Variants in NFASC observed in about 807,000 individuals in gnomAD.
NFASC encodes neurofascin.
NFASC carries 43 observed loss-of-function variants against 147.5 expected under a neutral mutation model. The ratio of observed to expected loss-of-function variants is 0.29; its 90% CI spans 0.23 to 0.38. The LOEUF is 0.38. Ranked by LOEUF, NFASC falls within the 10% of genes least tolerant of loss-of-function variation. NFASC has a pLI of 1.00. For missense variants in NFASC, 1,320 were observed against 1,689.0 expected (o/e 0.78, Z 3.83); for synonymous variants, 622 against 665.5 (o/e 0.93, Z 1.01).
chr1:204,970,944 A>G (rs928324956), intron 11 of NFASC, among the ~76,000 whole-genome samples, 197 bp downstream of exon 11: 3 of 152,212 alleles, frequency 2.0e-5, no homozygotes, highest in African/African-American at 7.2e-5. Context: ...GTGAGAGAAC[A>G]GGAGGCCTGG....
At chr1:204,881,099 C>T (rs1350313129) in intron 1 of NFASC, among the ~76,000 whole-genome samples, 2 of 152,214 alleles carry the variant, frequency 1.3e-5, no homozygotes, top group African/African-American at 2.4e-5. Flanking sequence ...GAGGTGGAGG[C>T]TGTTTGTGGC....
intron 13 of NFASC, 32 bp downstream of exon 13, chr1:204,974,322 A>G (rs754956676): frequency 6.6e-7 from 1 of 1,521,290 alleles, no homozygotes; most frequent in South Asian, 1.1e-5. Context: ...CTTCCACAGC[A>G]GGGGTCACCT....
intron 1 of NFASC, among the ~76,000 whole-genome samples, chr1:204,917,543 C>A (rs900222614): frequency 1.3e-5 from 2 of 152,134 alleles, no homozygotes; most frequent in African/African-American, 4.8e-5. Flanking sequence ...TGACATCCTT[C>A]AGATGTGACT....
chr1:204,997,222 T>C lies in NFASC; in HGVS notation c.2835T>C (p.Ser945=). ...TTVGATGAVS[S]TDATAIAATT... is the part of the protein sequence containing the mutation. ...TGGGTGCGACGGGCGCTGTGAGCAG[T>C]ACCGATGCTACTGCCATTGCTGCCA... The change falls in exon 25 of 30, where the codon AGT becomes AGC. Residue 945 remains serine, a synonymous_variant. Transcript: ENST00000339876. 6.2e-7 allele frequency: 1 copy of C among 1,613,736 alleles called. No individual in the cohort carries two copies. The highest frequency in any genetic ancestry group is 8.5e-7 in the Non-Finnish European group (1 of 1,179,832).
At position 204,987,684 on chromosome 1, in the gene NFASC, A is replaced by G. The variant is rs2095644111; in HGVS notation, c.2593+144A>G. 2.2e-6 allele frequency: 2 copies of G among 909,106 alleles called. No homozygotes were observed. Among genetic ancestry groups the G allele is most frequent in the East Asian group, 2.4e-5 (1 of 41,366 alleles). The allele number at this position is 909,106 out of a possible 1,614,324, so 56.3% of individuals were successfully genotyped here. A position where few individuals can be genotyped will look rare whatever the true frequency, so the allele number is the denominator to read the frequency against. On this transcript the variant is annotated intron_variant, in intron 22 of 29. Transcript: ENST00000339876. This position sits in a 1 kb window ranked among gnomAD's most constrained non-coding sequence, Gnocchi z 4.4. ...TGGAGGGGCCAACGAAACAGTTCCC[A>G]ATAGGATTAGGGGAGGCAGATGGGA...
rs995662384 is a variant in NFASC, at chr1:204,922,166, G to A, written c.-91+1426G>A. ...AGAATCGGGTAGTTAATGCAGCTCT[G>A]TGTCACCAAGTCCCCGCTCTTGGCA... is the stretch of plus-strand genomic sequence containing the variant. On this transcript the variant is annotated intron_variant, in intron 2 of 29. Transcript: ENST00000339876. Among the ~76,000 whole-genome samples the A allele has an allele frequency of 2.0e-5, 3 of 152,278 alleles. No individual in the cohort carries two copies. In the South Asian group the frequency reaches 6.2e-4, roughly 32 times the overall value.
intron 27 of NFASC, 109 bp from the exon 28 acceptor site, chr1:205,009,448 T>C: frequency 8.2e-7 from 1 of 1,219,130 alleles, no homozygotes; most frequent in Admixed American, 1.7e-5. Context: ...AGTGTTAGGC[T>C]CCAGGAGAAA....
intron 27 of NFASC, among the ~76,000 whole-genome samples, chr1:205,006,362 A>T (rs956742869): frequency 6.6e-6 from 1 of 152,256 alleles, no homozygotes; most frequent in Admixed American, 6.5e-5. Context: ...CCCAGGAAAT[A>T]GAACAATTAA....
intron 1 of NFASC, among the ~76,000 whole-genome samples, chr1:204,830,493 A>G (rs1457570858): frequency 1.3e-5 from 2 of 152,134 alleles, no homozygotes; most frequent in Non-Finnish European, 2.9e-5. Context: ...CGCAGCTAAT[A>G]CATTTCACCT....
intron 23 of NFASC, among the ~76,000 whole-genome samples, chr1:204,990,732 G>T (rs1051473526): frequency 6.6e-6 from 1 of 152,136 alleles, no homozygotes; most frequent in African/African-American, 2.4e-5. Flanking sequence ...AGGTTGCGAT[G>T]GTGTGGAGTG....
chr1:204,830,252 T>C (rs1671838225), intron 1 of NFASC, among the ~76,000 whole-genome samples: 1 of 152,092 alleles, frequency 6.6e-6, no homozygotes, highest in Non-Finnish European at 1.5e-5. Context: ...TTTAATTGTT[T>C]GTGTGGAGCC....
chr1:204,877,091 T>TTA (rs1553393411), intron 1 of NFASC, among the ~76,000 whole-genome samples: 24 of 110,348 alleles, frequency 2.2e-4, no homozygotes, highest in African/African-American at 7.4e-4. Flanking sequence ...ATATATTTAT[T>TTA]TATATATTTA....
intron 8 of NFASC, among the ~76,000 whole-genome samples, chr1:204,960,530 G>C (rs1346716370): frequency 6.6e-6 from 1 of 152,226 alleles, no homozygotes. Context: ...AGTCAAAGAA[G>C]TTTCCGTGAA....
In NFASC at chr1:204,978,759, G is replaced by C. The variant is rs754909384; in HGVS notation, c.1877-209G>C. Among the ~76,000 whole-genome samples, 8 of 152,160 alleles carry C rather than the reference G, an allele frequency of 5.3e-5. No individual in the cohort carries two copies. In the East Asian group the frequency reaches 5.8e-4, roughly 11 times the overall value. ...ACACCCATTGATATTCTTTGTGGGGGGGGGCTGGGATTTCAGGAGTCTCCT... is the reference window on the plus strand; with the variant it reads ...ACACCCATTGATATTCTTTGTGGGGCGGGGCTGGGATTTCAGGAGTCTCCT... On this transcript the variant is annotated intron_variant, in intron 17 of 29. Transcript: ENST00000339876.
intron 1 of NFASC, among the ~76,000 whole-genome samples, chr1:204,885,906 A>T (rs1242199299): frequency 6.6e-6 from 1 of 152,202 alleles, no homozygotes; most frequent in Non-Finnish European, 1.5e-5. Context: ...GCTTGCATGA[A>T]GTGAGTGTTG....
intron 24 of NFASC, among the ~76,000 whole-genome samples, chr1:204,993,331 C>T (rs1246319016): frequency 6.6e-6 from 1 of 152,206 alleles, no homozygotes; most frequent in African/African-American, 2.4e-5. Context: ...TTGGACTAAA[C>T]CTTCCACCTT....
chr1:204,974,724 G>C lies in NFASC; in HGVS notation c.1459G>C (p.Glu487Gln), dbSNP rs1168959099. ...NYHVYENGSL[E>Q]IKMIRKEDQG... ...CCATGTTTATGAGAACGGCAGTCTGGAAATTAAGATGATCCGCAAAGAGGA... is the reference window on the plus strand; with the variant it reads ...CCATGTTTATGAGAACGGCAGTCTGCAAATTAAGATGATCCGCAAAGAGGA... Residue 487 changes from glutamate to glutamine, a missense_variant, in exon 14 of 30, where the codon GAA becomes CAA. Coordinates refer to ENST00000339876, the MANE Select transcript of NFASC (RefSeq NM_001005388.3). 2 of 1,614,076 alleles carry C rather than the reference G, an allele frequency of 1.2e-6. No individual in the cohort carries two copies. The highest frequency in any genetic ancestry group is 2.7e-5 in the African/African-American group (2 of 74,914).
intron 1 of NFASC, among the ~76,000 whole-genome samples, chr1:204,889,628 C>T (rs2081993377): frequency 6.6e-6 from 1 of 152,180 alleles, no homozygotes; most frequent in South Asian, 2.1e-4. Flanking sequence ...CTTTGTGTTT[C>T]CCTTCCTCCA....
At chr1:204,917,999 C>G (rs1442918744) in intron 1 of NFASC, among the ~76,000 whole-genome samples, 1 of 152,168 alleles carries the variant, frequency 6.6e-6, no homozygotes, top group Non-Finnish European at 1.5e-5. Context: ...ATATGAAGGA[C>G]ATACTGATAC....
Sources: allele counts gnomAD v4.1 joint callset (sites outside exome capture counted in the v4.1 genomes callset), GRCh38; gene constraint gnomAD v4.1.1; non-coding constraint Gnocchi (gnomAD v3.1); transcripts MANE v1.5; gene names NCBI Gene and HGNC (gene_info 2026-07-23, HGNC 2026-07-21).